TBC1D5: variants seen among roughly 807,000 people sequenced by gnomAD.
TBC1D5 encodes the protein TBC1 domain family, member 5.
Under a neutral mutation model 100.3 loss-of-function variants are expected in TBC1D5, and 75 were observed. The ratio of observed to expected loss-of-function variants is 0.75; its 90% confidence interval spans 0.62 to 0.91. TBC1D5 has a LOEUF of 0.91. Among genes scored for constraint, TBC1D5 ranks in the 40% least tolerant of loss-of-function variants. The probability of loss-of-function intolerance (pLI) is 0.00; values close to 1 mark genes in which losing one functional copy is unlikely to be tolerated. For missense variants in TBC1D5, 910 were observed against 942.4 expected, an observed-to-expected ratio of 0.97 and a Z score of 0.45; for synonymous variants, 323 against 325.6, an observed-to-expected ratio of 0.99 and a Z score of 0.09.
chr3:17,422,230 G>GCGATCTT (rs1958513310), intron 4 of TBC1D5, among the ~76,000 whole-genome samples: 1 of 152,046 alleles, frequency 6.6e-6, no homozygotes, highest in South Asian at 2.1e-4. Context: ...GCACAGTGGT[G>GCGATCTT]CGATCTTGGC....
At chr3:17,323,521 T>C (rs892119360) in intron 13 of TBC1D5, among the ~76,000 whole-genome samples, 12 of 152,176 alleles carry the variant, frequency 7.9e-5, no homozygotes, top group African/African-American at 2.9e-4. Flanking sequence ...TTAGAAAAGA[T>C]ACAGGATGTA....
chr3:17,621,702 G>A (rs1030612349), intron 2 of TBC1D5, among the ~76,000 whole-genome samples: 9 of 133,800 alleles, frequency 6.7e-5, no homozygotes, highest in Non-Finnish European at 1.0e-4. Context: ...TAGTATTCTC[G>A]CTAACTTTTT....
intron 3 of TBC1D5, among the ~76,000 whole-genome samples, chr3:17,442,725 G>A (rs373485382): frequency 2.6e-5 from 4 of 152,176 alleles, no homozygotes; most frequent in Non-Finnish European, 5.9e-5. Context: ...AGGGTCACAC[G>A]CAAGGAGCAG....
At chr3:17,685,604 T>C (rs1054016167) in intron 1 of TBC1D5, among the ~76,000 whole-genome samples, 1 of 152,108 alleles carries the variant, frequency 6.6e-6, no homozygotes, top group African/African-American at 2.4e-5. Flanking sequence ...TTTTCAATAC[T>C]ATTGGTAAAA....
intron 2 of TBC1D5, among the ~76,000 whole-genome samples, chr3:17,564,747 T>C (rs2096583234): frequency 6.6e-6 from 1 of 152,192 alleles, no homozygotes; most frequent in Non-Finnish European, 1.5e-5. Flanking sequence ...CAAATGGCTA[T>C]CTTTTTTTCC....
chr3:17,193,694 A>G (rs2070269216), intron 18 of TBC1D5, among the ~76,000 whole-genome samples: 1 of 152,184 alleles, frequency 6.6e-6, no homozygotes, highest in Admixed American at 6.5e-5. Flanking sequence ...AGTTATGACT[A>G]ATAACTTCTT....
chr3:17,585,946 C>T (rs2096729977), intron 2 of TBC1D5, among the ~76,000 whole-genome samples: 1 of 152,052 alleles, frequency 6.6e-6, no homozygotes, highest in Non-Finnish European at 1.5e-5. Context: ...TAATTTCCTA[C>T]TTCTTTAAGA....
chr3:17,417,761 C>T (rs948859079), intron 4 of TBC1D5, among the ~76,000 whole-genome samples: 28 of 152,224 alleles, frequency 1.8e-4, no homozygotes, highest in African/African-American at 5.5e-4. Context: ...CCTGAGGAAT[C>T]GCCACACTGA....
At chr3:17,648,383 C>A (rs1463277030) in intron 1 of TBC1D5, among the ~76,000 whole-genome samples, 2 of 152,036 alleles carry the variant, frequency 1.3e-5, no homozygotes, top group Non-Finnish European at 2.9e-5. Flanking sequence ...TCTTAAAAGA[C>A]AACCTAGGCA....
chr3:17,280,983 G>A (rs1171079508), intron 15 of TBC1D5, among the ~76,000 whole-genome samples: 6 of 152,174 alleles, frequency 3.9e-5, no homozygotes, highest in Admixed American at 2.6e-4. Context: ...CACTCACCCC[G>A]GCTCCTGCAA....
chr3:17,228,691 C>CT (rs34658453), intron 17 of TBC1D5, among the ~76,000 whole-genome samples: 27,959 of 143,740 alleles, frequency 0.19, 2,776 homozygotes, highest in Middle Eastern at 0.25. Flanking sequence ...GAGAAGTTAT[C>CT]TTTTTTTTTT....
intron 3 of TBC1D5, among the ~76,000 whole-genome samples, chr3:17,439,782 T>C (rs2094610156): frequency 1.3e-5 from 2 of 152,184 alleles, no homozygotes; most frequent in South Asian, 4.1e-4. Flanking sequence ...TAGAAATATG[T>C]CAATATAATA....
Position 17,463,605 on chromosome 3 carries a change from C to T in TBC1D5, c.98-35086G>A, listed in dbSNP as rs190309722. Among the ~76,000 whole-genome samples the T allele has an allele frequency of 7.1e-4, 108 of 152,254 alleles. No individual in the cohort carries two copies. The East Asian group carries it at 0.018, about 26-fold the overall frequency. On this transcript the variant is annotated intron_variant, in intron 3 of 21. Coordinates refer to ENST00000253692, the Ensembl canonical transcript of TBC1D5. ...TACTTAAATATAATATTTTAAAAAA[C>T]TGAATGATTCCAAAAGATTCATGAT... is the stretch of plus-strand genomic sequence containing the variant.
At chr3:17,496,123 CT>C (rs920235512) in intron 3 of TBC1D5, among the ~76,000 whole-genome samples, 8 of 152,096 alleles carry the variant, frequency 5.3e-5, no homozygotes, top group African/African-American at 1.9e-4. Context: ...TTCCTTCTTT[CT>C]TTTTTAAGGA....
intron 1 of TBC1D5, among the ~76,000 whole-genome samples, chr3:17,660,750 A>G (rs2066562426): frequency 6.6e-6 from 1 of 152,180 alleles, no homozygotes; most frequent in South Asian, 2.1e-4. Context: ...TCCCCTACCT[A>G]TAGTTTCCAT....
chr3:17,310,495 G>A (rs1428068140), intron 13 of TBC1D5, among the ~76,000 whole-genome samples: 1 of 152,004 alleles, frequency 6.6e-6, no homozygotes, highest in Non-Finnish European at 1.5e-5. Context: ...GTAAAAGACA[G>A]AAACAGAGAG....
intron 13 of TBC1D5, among the ~76,000 whole-genome samples, chr3:17,366,680 T>G (rs994639471): frequency 6.6e-6 from 1 of 152,120 alleles, no homozygotes; most frequent in African/African-American, 2.4e-5. Context: ...ATATAATCTT[T>G]TAGGTGGATA....
At chr3:17,682,223 G>A (rs189471119) in intron 1 of TBC1D5, among the ~76,000 whole-genome samples, 4 of 151,130 alleles carry the variant, frequency 2.6e-5, no homozygotes, top group African/African-American at 9.9e-5. Flanking sequence ...AAGACAGGAG[G>A]ACTGCTTGAG....
Position 17,515,669 on chromosome 3 carries a change from G to A in TBC1D5, c.-35-7064C>T, listed in dbSNP as rs77759418. Among the ~76,000 whole-genome samples, 520 of 152,230 alleles carry A rather than the reference G, an allele frequency of 3.4e-3. 3 individuals carry two copies. The highest frequency in any genetic ancestry group is 0.012 in the African/African-American group (505 of 41,530). ...TTTCCTTTGTTATGTTAACTATAAC[G>A]TAATACCAAAGAATTCAGTTTACTT... On this transcript the variant is annotated intron_variant, in intron 2 of 21. Transcript: ENST00000253692.
Sources: allele counts gnomAD v4.1 joint callset (sites outside exome capture counted in the v4.1 genomes callset), GRCh38; gene constraint gnomAD v4.1.1; transcripts MANE v1.5; gene names NCBI Gene and HGNC (gene_info 2026-07-23, HGNC 2026-07-21).